The following DNAH6 variants were observed in gnomAD, a reference collection of about 807,000 sequenced individuals.
DNAH6 encodes dynein axonemal heavy chain 6.
Under a neutral mutation model 491.4 loss-of-function variants are expected in DNAH6, and 340 were observed. That is an observed-to-expected ratio of 0.69 (90% confidence interval 0.63 to 0.76). DNAH6 has a LOEUF of 0.76. Ranked by LOEUF, DNAH6 falls within the 30% of genes least tolerant of loss-of-function variation. The pLI is 0.00. For missense variants in DNAH6, 4,443 were observed against 4,972.2 expected, an observed-to-expected ratio of 0.89 and a Z score of 3.20; for synonymous variants, 1,603 against 1,686.1, an observed-to-expected ratio of 0.95 and a Z score of 1.21.
At chr2:84,661,923 C>A (rs909435579) in intron 37 of DNAH6, among the ~76,000 whole-genome samples, 9 of 152,010 alleles carry the variant, frequency 5.9e-5, no homozygotes, top group African/African-American at 2.2e-4. Flanking sequence ...CAGAGTGTGG[C>A]ATTGGTGAAA....
intron 45 of DNAH6, among the ~76,000 whole-genome samples, chr2:84,693,365 T>A (rs1217034605): frequency 6.6e-6 from 1 of 151,314 alleles, no homozygotes; most frequent in East Asian, 1.9e-4. Flanking sequence ...GGATTTTCCA[T>A]CTCTACCCAA....
intron 73 of DNAH6, among the ~76,000 whole-genome samples, 174 bp downstream of exon 73, chr2:84,812,700 G>A (rs929550551): frequency 2.6e-5 from 4 of 152,160 alleles, no homozygotes; most frequent in Non-Finnish European, 4.4e-5. Context: ...TTATAATATC[G>A]TTTGCCCTAG....
intron 10 of DNAH6, 65 bp downstream of exon 10, chr2:84,553,099 C>A: frequency 1.1e-6 from 1 of 930,870 alleles, no homozygotes; most frequent in Non-Finnish European, 1.7e-6. Context: ...AGCTGTTTTG[C>A]TGTCAATTGG....
At chr2:84,571,185 C>CTG (rs1681819714) in intron 11 of DNAH6, among the ~76,000 whole-genome samples, 1 of 152,096 alleles carries the variant, frequency 6.6e-6, no homozygotes, top group Non-Finnish European at 1.5e-5. Flanking sequence ...TGGTAGAATG[C>CTG]AAGCAAATAA....
chr2:84,813,083 A>G lies in DNAH6; in HGVS notation c.11951A>G (p.Lys3984Arg), dbSNP rs1214951964. 1 of 1,551,884 alleles carries G rather than the reference A, an allele frequency of 6.4e-7. No individual in the cohort carries two copies. The highest frequency in any genetic ancestry group is 8.7e-7 in the Non-Finnish European group (1 of 1,146,938). Residue 3984 changes from lysine to arginine, a missense_variant, in exon 74 of 77, where the codon AAG becomes AGG. By Grantham distance (26) the Lys-to-Arg change is conservative. Coordinates refer to ENST00000389394, the MANE Select transcript of DNAH6 (RefSeq NM_001370.2). Reference protein sequence around the residue: ...VDLWLKRGQPKSYWISGFFFP... With the variant: ...VDLWLKRGQPRSYWISGFFFP... ...CTGTGGCTCAAAAGAGGACAGCCTA[A>G]GTCCTACTGGATCTCTGGTTTCTTC...
the DNAH6 span, among the ~76,000 whole-genome samples, chr2:84,494,734 C>G: frequency 3.3e-5 from 5 of 152,328 alleles, no homozygotes; most frequent in South Asian, 1.0e-3. Context: ...TGGATGTGAT[C>G]AAAGATGAGA....
chr2:84,777,770 C>T (rs1309760542), intron 64 of DNAH6: 4 of 939,818 alleles, frequency 4.3e-6, no homozygotes, highest in Non-Finnish European at 7.1e-6. Context: ...GCAACCACTT[C>T]CAATAATACA....
At chr2:84,552,149 T>C (rs1679451382) in intron 9 of DNAH6, among the ~76,000 whole-genome samples, 2 of 152,172 alleles carry the variant, frequency 1.3e-5, no homozygotes, top group East Asian at 3.9e-4. Flanking sequence ...CACAAGGTGG[T>C]ATATCACTGC....
chr2:84,638,918 C>T (rs1573319372), intron 31 of DNAH6, among the ~76,000 whole-genome samples: 2 of 151,830 alleles, frequency 1.3e-5, no homozygotes, highest in East Asian at 3.9e-4. Flanking sequence ...TGAGGGGGTG[C>T]CTCACACTTT....
At chr2:84,800,091 T>C (rs1678746752) in intron 70 of DNAH6, among the ~76,000 whole-genome samples, 1 of 152,136 alleles carries the variant, frequency 6.6e-6, no homozygotes, top group Non-Finnish European at 1.5e-5. Flanking sequence ...ATAACATTGC[T>C]ACAAGCAATG....
At chr2:84,680,040 T>C (rs1322743125) in intron 41 of DNAH6, among the ~76,000 whole-genome samples, 3 of 152,096 alleles carry the variant, frequency 2.0e-5, no homozygotes, top group African/African-American at 7.2e-5. Context: ...AATTTAAAGA[T>C]TGGGTTTGAG....
intron 15 of DNAH6, among the ~76,000 whole-genome samples, chr2:84,588,232 G>A (rs1377310587): frequency 6.6e-6 from 1 of 152,148 alleles, no homozygotes; most frequent in Non-Finnish European, 1.5e-5. Flanking sequence ...ACTAAGACTT[G>A]GACTAACTAG....
In DNAH6 at chr2:84,659,066, T is replaced by C; in HGVS notation, c.5981T>C (p.Val1994Ala). The C allele has an allele frequency of 6.7e-7, 1 of 1,488,564 alleles. No individual in the cohort carries two copies. The highest frequency in any genetic ancestry group is 9.1e-7 in the Non-Finnish European group (1 of 1,095,162). The allele number at this position is 1,488,564 out of a possible 1,614,324, so 92.2% of individuals were successfully genotyped here. A position where few individuals can be genotyped will look rare whatever the true frequency, so the allele number is the denominator to read the frequency against. ...AACACTATACTATGTCAGACTTTTG[T>C]ATTCTGTTATTTGTGGTCTTTGGGT... ...KLNTILCQTF[V>A]FCYLWSLGGN... is the part of the protein sequence containing the mutation. Residue 1994 changes from valine (V) to alanine (A), a missense_variant, in exon 37 of 77, where the codon GTA becomes GCA. Transcript: ENST00000389394.
At chr2:84,672,878 G>C (rs1006077795) in intron 40 of DNAH6, among the ~76,000 whole-genome samples, 1 of 152,202 alleles carries the variant, frequency 6.6e-6, no homozygotes, top group Non-Finnish European at 1.5e-5. Flanking sequence ...TTTGGGGACA[G>C]GGGACACAAT....
intron 44 of DNAH6, among the ~76,000 whole-genome samples, 191 bp from the exon 45 acceptor site, chr2:84,688,248 A>G (rs1055804720): frequency 6.6e-6 from 1 of 151,886 alleles, no homozygotes; most frequent in African/African-American, 2.4e-5. Context: ...CAAAAAAAAA[A>G]AAAAAAAGTG....
At chr2:84,802,617 G>A (rs1368091241) in intron 70 of DNAH6, among the ~76,000 whole-genome samples, 3 of 151,880 alleles carry the variant, frequency 2.0e-5, no homozygotes, top group Non-Finnish European at 4.4e-5. Context: ...CAGGGGGTGG[G>A]GGGACTTCAA....
At chr2:84,469,229 C>A in the DNAH6 span, among the ~76,000 whole-genome samples, 1 of 152,090 alleles carries the variant, frequency 6.6e-6, no homozygotes, top group Non-Finnish European at 1.5e-5. The surrounding 1 kb of genome is among the most constrained non-coding windows in gnomAD (Gnocchi z 4.0). Context: ...AAATTCTTAC[C>A]CTTTTGCCAG....
At chr2:84,497,065 G>C in the DNAH6 span, among the ~76,000 whole-genome samples, 1 of 150,116 alleles carries the variant, frequency 6.7e-6, no homozygotes, top group Non-Finnish European at 1.5e-5. Flanking sequence ...CCACCTGCCG[G>C]GTTTAAGCAA....
rs765469238 is a variant in DNAH6 at position 84,669,386 on chromosome 2, G to A, written c.6182G>A (p.Arg2061Gln). The change falls in exon 38 of 77, where the codon CGA becomes CAA. Residue 2061 changes from arginine (R) to glutamine (Q), a missense_variant. Arg to Gln is a conservative substitution (Grantham distance 43). Around this residue, in one of 3 missense-constraint regions of DNAH6, gnomAD observed 2,977 missense variants for 3,296.6 expected, o/e 0.90. Coordinates refer to ENST00000389394, the MANE Select transcript of DNAH6 (RefSeq NM_001370.2). ...ATCATACCTACTTTCAAATACAACC[G>A]AGATGTTCCATTTTTTGAAATGCTT... is the stretch of plus-strand genomic sequence containing the variant. ...ERIIPTFKYN[R>Q]DVPFFEMLVP... 2.6e-5 allele frequency: 40 copies of A among 1,551,752 alleles called. No homozygotes were observed. The highest frequency in any genetic ancestry group is 1.7e-4 in the Middle Eastern group (1 of 6,020).
Sources: gnomAD v4.1 joint callset for allele counts (sites outside exome capture counted in the v4.1 genomes callset) on GRCh38, gnomAD v4.1.1 for gene constraint, gnomAD v4.1.1 regional missense constraint, Gnocchi (gnomAD v3.1) non-coding constraint, MANE v1.5 for transcripts, NCBI Gene and HGNC (gene_info 2026-07-23, HGNC 2026-07-21) for gene names.